Variants in TPD52L1 observed in about 807,000 individuals in gnomAD.
The protein encoded by TPD52L1 is tumor protein D53.
Under a neutral mutation model 28.7 loss-of-function variants are expected in TPD52L1, and 18 were observed. The ratio of observed to expected loss-of-function variants is 0.63; its 90% CI spans 0.43 to 0.93. The LOEUF is 0.93. Ranked by LOEUF, TPD52L1 falls within the 40% of genes least tolerant of loss-of-function variation. The pLI, the probability that TPD52L1 is intolerant of heterozygous loss-of-function variation, is 0.00. For synonymous variants in TPD52L1, 75 were observed against 88.8 expected (o/e 0.84, Z 0.88); for missense variants, 203 against 254.8 (o/e 0.80, Z 1.39).
intron 3 of TPD52L1, among the ~76,000 whole-genome samples, chr6:125,241,668 T>G (rs921324200): frequency 1.3e-5 from 2 of 152,144 alleles, no homozygotes; most frequent in Non-Finnish European, 1.5e-5. Context: ...AGTTGTGATA[T>G]CTCCCATTTC....
At chr6:125,173,467 C>G (rs1191565800) in intron 1 of TPD52L1, among the ~76,000 whole-genome samples, 1 of 152,160 alleles carries the variant, frequency 6.6e-6, no homozygotes, top group Non-Finnish European at 1.5e-5. Flanking sequence ...TGCCCTGGCC[C>G]AAGAGCCAGG....
chr6:125,203,643 G>A lies in TPD52L1; in HGVS notation c.20-16435G>A, dbSNP rs1793934467. 8.1e-6 allele frequency: 8 copies of A among 985,248 alleles called. No homozygotes were observed. The South Asian group carries it at 2.8e-4, about 35-fold the overall frequency. 61.0% of individuals were successfully genotyped at this position (985,248 alleles called of 1,614,324 possible). The stretch of plus-strand genomic sequence containing the variant: ...TGCTAATGACACAGCAGAAACCCTT[G>A]GTGTGTGCATAAGGCCACATGACCT... On this transcript the variant is annotated intron_variant, in intron 1 of 6. Coordinates refer to ENST00000534000, the MANE Select transcript of TPD52L1 (RefSeq NM_003287.4).
intron 3 of TPD52L1, among the ~76,000 whole-genome samples, chr6:125,236,843 G>A (rs891442312): frequency 4.6e-5 from 7 of 152,122 alleles, no homozygotes; most frequent in African/African-American, 1.7e-4. Flanking sequence ...CATTCTGCAG[G>A]CACCCCAAGT....
At chr6:125,210,223 AGAAT>A (rs537255455) in intron 1 of TPD52L1, among the ~76,000 whole-genome samples, 2 of 152,348 alleles carry the variant, frequency 1.3e-5, no homozygotes, top group Admixed American at 1.3e-4. Context: ...GTTCGTTAAA[AGAAT>A]GAATGAATGA....
chr6:125,171,488 G>C (rs73771250), intron 1 of TPD52L1, among the ~76,000 whole-genome samples: 3,150 of 152,234 alleles, frequency 0.021, 104 homozygotes, highest in African/African-American at 0.073. Flanking sequence ...ATAAGACTTC[G>C]TTTTAGCAGA....
At chr6:125,258,832 T>A (rs990871626) in intron 6 of TPD52L1, among the ~76,000 whole-genome samples, 3 of 152,100 alleles carry the variant, frequency 2.0e-5, no homozygotes, top group Non-Finnish European at 4.4e-5. Flanking sequence ...ATTCTATGCT[T>A]GTATGACTGT....
At chr6:125,154,083 A>T in intron 1 of TPD52L1, 113 bp downstream of exon 1, 1 of 1,454,366 alleles carries the variant, frequency 6.9e-7, no homozygotes, top group Non-Finnish European at 9.2e-7. Context: ...CGTGTTGCAC[A>T]TCCAGAACTC....
intron 1 of TPD52L1, among the ~76,000 whole-genome samples, chr6:125,179,800 T>C (rs1356812809): frequency 6.6e-6 from 1 of 152,224 alleles, no homozygotes; most frequent in African/African-American, 2.4e-5. Flanking sequence ...GGGTTCTCTT[T>C]ATAGATGGAA....
intron 1 of TPD52L1, among the ~76,000 whole-genome samples, chr6:125,215,746 C>G (rs1385355005): frequency 6.6e-6 from 1 of 151,900 alleles, no homozygotes; most frequent in Non-Finnish European, 1.5e-5. Context: ...TAGATTCACT[C>G]GAAGTTTCCC....
intron 1 of TPD52L1, among the ~76,000 whole-genome samples, chr6:125,170,378 T>C (rs962270162): frequency 2.6e-5 from 4 of 151,362 alleles, no homozygotes; most frequent in African/African-American, 7.3e-5. Context: ...GTAGGGGCTA[T>C]TATGTAGCCT....
chr6:125,223,708 C>CAAAAAA (rs11294390), intron 2 of TPD52L1, among the ~76,000 whole-genome samples: 11 of 71,488 alleles, frequency 1.5e-4, no homozygotes, highest in East Asian at 9.7e-4. Context: ...GATTCCATCT[C>CAAAAAA]AAAAAAAAAA....
intron 1 of TPD52L1, chr6:125,208,904 C>T (rs1289875580): frequency 4.1e-6 from 4 of 985,248 alleles, no homozygotes; most frequent in African/African-American, 1.7e-5. Context: ...ATCCCTAGGG[C>T]AGGAATAAGC....
chr6:125,177,437 G>A (rs1413559761), intron 1 of TPD52L1, among the ~76,000 whole-genome samples: 1 of 152,084 alleles, frequency 6.6e-6, no homozygotes, highest in Non-Finnish European at 1.5e-5. Flanking sequence ...TCATAATTTA[G>A]AGTTGGAGAG....
chr6:125,233,286 G>A (rs1173493082), intron 3 of TPD52L1, among the ~76,000 whole-genome samples: 2 of 152,114 alleles, frequency 1.3e-5, no homozygotes, highest in African/African-American at 4.8e-5. Flanking sequence ...AAAACGCACA[G>A]TGCTCAAAAA....
chr6:125,239,899 C>T (rs1319161301), intron 3 of TPD52L1, among the ~76,000 whole-genome samples: 1 of 152,086 alleles, frequency 6.6e-6, no homozygotes, highest in Non-Finnish European at 1.5e-5. Context: ...AACTCTTTGC[C>T]TAAGCCAAGG....
intron 2 of TPD52L1, among the ~76,000 whole-genome samples, chr6:125,228,544 A>C (rs1189303580): frequency 6.6e-6 from 1 of 152,200 alleles, no homozygotes; most frequent in South Asian, 2.1e-4. Context: ...GTTGGCAAAA[A>C]ATAAACTACA....
At chr6:125,215,634 T>C (rs1794809092) in intron 1 of TPD52L1, among the ~76,000 whole-genome samples, 1 of 152,130 alleles carries the variant, frequency 6.6e-6, no homozygotes, top group South Asian at 2.1e-4. Context: ...GTTTGGCCCA[T>C]CAGAGCTGAA....
chr6:125,242,546 C>T (rs1796676875), intron 3 of TPD52L1, among the ~76,000 whole-genome samples: 1 of 151,926 alleles, frequency 6.6e-6, no homozygotes, highest in South Asian at 2.1e-4. Flanking sequence ...TACATAATGT[C>T]CCTCTTGGTC....
rs1466180080 is a variant in TPD52L1 at position 125,172,111 on chromosome 6, T to G, written c.19+18141T>G. On this transcript the variant is annotated intron_variant, in intron 1 of 6. Transcript: ENST00000534000. ...CTTTCTTTCTTTCCCTTTCTTTCTTTCTTTCTTTCTTTCTTTCTTTCTTTC... is the reference window on the plus strand; with the variant it reads ...CTTTCTTTCTTTCCCTTTCTTTCTTGCTTTCTTTCTTTCTTTCTTTCTTTC... Among the ~76,000 whole-genome samples, 179 of 59,244 alleles carry G rather than the reference T, an allele frequency of 3.0e-3. 2 individuals are homozygous for G. The highest frequency in any genetic ancestry group is 0.014 in the African/African-American group (172 of 12,636). 38.9% of individuals were successfully genotyped at this position (59,244 alleles called of 152,430 possible). A position where few individuals can be genotyped will look rare whatever the true frequency, so the allele number is the denominator to read the frequency against.
Sources: gnomAD v4.1 joint callset for allele counts (sites outside exome capture counted in the v4.1 genomes callset) on GRCh38, gnomAD v4.1.1 for gene constraint, MANE v1.5 for transcripts, NCBI Gene and HGNC (gene_info 2026-07-23, HGNC 2026-07-21) for gene names.